Variants in VTI1A observed in about 807,000 individuals in gnomAD.
VTI1A encodes vesicle transport through interaction with t-SNAREs homolog 1A.
VTI1A carries 22 observed loss-of-function variants against 34.9 expected under a neutral mutation model. The ratio of observed to expected loss-of-function variants is 0.63; its 90% CI spans 0.45 to 0.90. The LOEUF (loss-of-function observed/expected upper bound fraction) is 0.90, where lower values mean the gene tolerates loss of function less well. Among genes scored for constraint, VTI1A ranks in the 40% least tolerant of loss-of-function variants. VTI1A has a pLI of 0.00. For missense variants in VTI1A, 268 were observed against 275.6 expected, an observed-to-expected ratio of 0.97 and a Z score of 0.20; for synonymous variants, 87 against 97.3, an observed-to-expected ratio of 0.89 and a Z score of 0.62.
At chr10:112,611,737 A>ATTTT (rs3057346) in intron 5 of VTI1A, among the ~76,000 whole-genome samples, 1,296 of 100,658 alleles carry the variant, frequency 0.013, 78 homozygotes, top group South Asian at 0.029. Context: ...GAGAAAGGTA[A>ATTTT]TTTTTTTTTT....
chr10:112,660,219 G>A (rs1203992929), intron 5 of VTI1A, among the ~76,000 whole-genome samples: 1 of 152,164 alleles, frequency 6.6e-6, no homozygotes, highest in Admixed American at 6.5e-5. Context: ...TCCTGCCTCA[G>A]CCTCCTGAGT....
At chr10:112,707,587 C>T (rs934989387) in intron 7 of VTI1A, among the ~76,000 whole-genome samples, 1 of 152,200 alleles carries the variant, frequency 6.6e-6, no homozygotes, top group Non-Finnish European at 1.5e-5. Flanking sequence ...CCGCCTCTGC[C>T]TCCCAAAGTG....
At chr10:112,821,259 GCTC>G (rs1281956594), downstream of VTI1A, among the ~76,000 whole-genome samples, 2 of 152,096 alleles carry the variant, frequency 1.3e-5, no homozygotes, top group Non-Finnish European at 2.9e-5. Context: ...TGCAAACCCG[GCTC>G]CGCCGAGAGC....
chr10:112,662,625 A>G (rs1467017885), intron 5 of VTI1A, among the ~76,000 whole-genome samples: 11 of 152,188 alleles, frequency 7.2e-5, no homozygotes, highest in Admixed American at 7.2e-4. Context: ...AACTGTAGTG[A>G]CTAGGATCTA....
At chr10:112,587,459 G>A (rs1180089893) in intron 5 of VTI1A, among the ~76,000 whole-genome samples, 3 of 152,068 alleles carry the variant, frequency 2.0e-5, no homozygotes, top group Non-Finnish European at 4.4e-5. Flanking sequence ...TAATTGGAAA[G>A]AATATTAAAT....
At chr10:112,451,084 G>A (rs991850437) in intron 1 of VTI1A, among the ~76,000 whole-genome samples, 9 of 152,172 alleles carry the variant, frequency 5.9e-5, no homozygotes, top group Non-Finnish European at 1.2e-4. Context: ...GCTGTCCTCA[G>A]AATTGTACCA....
chr10:112,482,591 A>C (rs1161957516), intron 3 of VTI1A, among the ~76,000 whole-genome samples: 1 of 152,156 alleles, frequency 6.6e-6, no homozygotes, highest in Non-Finnish European at 1.5e-5. Context: ...TCCAAGACCA[A>C]ATTTATTTAA....
At chr10:112,760,666 A>G (rs1004398201) in intron 7 of VTI1A, among the ~76,000 whole-genome samples, 2 of 152,170 alleles carry the variant, frequency 1.3e-5, no homozygotes, top group Non-Finnish European at 2.9e-5. Context: ...CAAGGCGGGC[A>G]GATCACAAGA....
chr10:112,569,348 A>G lies in VTI1A; in HGVS notation c.427+31018A>G, dbSNP rs190120030. Among the ~76,000 whole-genome samples, 332 of 152,326 alleles carry G rather than the reference A, an allele frequency of 2.2e-3. 3 individuals carry two copies. Among genetic ancestry groups the G allele is most frequent in the Non-Finnish European group, 3.8e-3 (259 of 68,030 alleles). Reference sequence around the variant, plus strand: ...TGTTTTTCCCATTTTGCAAATAAGTATACTGAGGTCCAGAGAGGTTAAGGA... The same window carrying G: ...TGTTTTTCCCATTTTGCAAATAAGTGTACTGAGGTCCAGAGAGGTTAAGGA... On this transcript the variant is annotated intron_variant, in intron 5 of 7. Transcript: ENST00000393077.
chr10:112,669,837 A>G (rs1340262060), intron 7 of VTI1A, among the ~76,000 whole-genome samples: 1 of 152,200 alleles, frequency 6.6e-6, no homozygotes, highest in Admixed American at 6.6e-5. Context: ...ATATCCATAT[A>G]CAATAGTTTG....
intron 5 of VTI1A, among the ~76,000 whole-genome samples, chr10:112,662,351 T>A (rs528975342): frequency 6.6e-6 from 1 of 152,234 alleles, no homozygotes; most frequent in African/African-American, 2.4e-5. Context: ...TTCATTTTTT[T>A]AACTTTTTTT....
intron 7 of VTI1A, among the ~76,000 whole-genome samples, chr10:112,798,327 C>T (rs145388843): frequency 2.0e-5 from 3 of 152,258 alleles, no homozygotes; most frequent in African/African-American, 4.8e-5. Flanking sequence ...TCAGGTTGTT[C>T]CCTTTGCTGA....
At chr10:112,791,610 A>G (rs1418370186) in intron 7 of VTI1A, among the ~76,000 whole-genome samples, 1 of 152,102 alleles carries the variant, frequency 6.6e-6, no homozygotes, top group Non-Finnish European at 1.5e-5. Context: ...AAAACCAGTG[A>G]GAATGTTAGC....
chr10:112,549,984 G>T (rs182500521), intron 5 of VTI1A, among the ~76,000 whole-genome samples: 434 of 152,234 alleles, frequency 2.9e-3, no homozygotes, highest in Non-Finnish European at 4.9e-3. Context: ...GCTCCATGGT[G>T]GTAAGAAAAG....
At chr10:112,845,104 G>A in the VTI1A span, among the ~76,000 whole-genome samples, 1 of 152,306 alleles carries the variant, frequency 6.6e-6, no homozygotes, top group Non-Finnish European at 1.5e-5. Context: ...ATTCCCTGGC[G>A]GAGAGAAAGG....
chr10:112,689,902 C>T (rs1452182261), intron 7 of VTI1A, among the ~76,000 whole-genome samples: 1 of 152,116 alleles, frequency 6.6e-6, no homozygotes, highest in Non-Finnish European at 1.5e-5. Context: ...GAAGTTTCCT[C>T]CTACCCCTTT....
At chr10:112,697,598 G>C (rs370365063) in intron 7 of VTI1A, among the ~76,000 whole-genome samples, 1 of 151,936 alleles carries the variant, frequency 6.6e-6, no homozygotes, top group Non-Finnish European at 1.5e-5. Flanking sequence ...GTTTCTCCAT[G>C]TTGGTCAGGC....
chr10:112,625,840 A>T (rs550276947), intron 5 of VTI1A, among the ~76,000 whole-genome samples: 5 of 152,096 alleles, frequency 3.3e-5, no homozygotes, highest in Admixed American at 2.0e-4. Context: ...AAATCTCACA[A>T]ATCACCACTA....
At chr10:112,597,693 CTTT>C (rs1180451909) in intron 5 of VTI1A, among the ~76,000 whole-genome samples, 15,284 of 90,008 alleles carry the variant, frequency 0.17, 895 homozygotes, top group African/African-American at 0.29. Flanking sequence ...GACCTTGTCT[CTTT>C]TTTTTTTTTT....
Sources: allele counts gnomAD v4.1 joint callset (sites outside exome capture counted in the v4.1 genomes callset), GRCh38; gene constraint gnomAD v4.1.1; transcripts MANE v1.5; gene names NCBI Gene and HGNC (gene_info 2026-07-23, HGNC 2026-07-21).